KCNC2: variants seen among roughly 807,000 people sequenced by gnomAD.
KCNC2 encodes the protein voltage-gated potassium channel KCNC2.
KCNC2 carries 21 observed loss-of-function variants against 44.5 expected under a neutral mutation model. That is an observed-to-expected ratio of 0.47 (90% CI 0.33 to 0.68). KCNC2 has a LOEUF of 0.68. Among genes scored for constraint, KCNC2 ranks in the 30% least tolerant of loss-of-function variants. The pLI, the probability that KCNC2 is intolerant of heterozygous loss-of-function variation, is 0.01. For missense variants in KCNC2, 589 were observed against 826.2 expected, an observed-to-expected ratio of 0.71 and a Z score of 3.52; for synonymous variants, 391 against 339.1, an observed-to-expected ratio of 1.15 and a Z score of -1.68.
intron 2 of KCNC2, among the ~76,000 whole-genome samples, chr12:75,134,139 C>T (rs949468931): frequency 6.6e-6 from 1 of 151,764 alleles, no homozygotes; most frequent in African/African-American, 2.4e-5. Context: ...TACACCTGGG[C>T]AAATGTCAGA....
chr12:75,076,696 C>A (rs1005484235), intron 2 of KCNC2, among the ~76,000 whole-genome samples: 1 of 152,122 alleles, frequency 6.6e-6, no homozygotes. Context: ...ATATTAGATT[C>A]TTGATACGTA....
intron 2 of KCNC2, among the ~76,000 whole-genome samples, chr12:75,113,593 A>G (rs1887419164): frequency 6.6e-6 from 1 of 152,302 alleles, no homozygotes. Context: ...TCCAGCCTCC[A>G]TACCAACACC....
intron 2 of KCNC2, among the ~76,000 whole-genome samples, chr12:75,199,563 G>T (rs1165579238): frequency 1.3e-5 from 2 of 151,712 alleles, no homozygotes; most frequent in African/African-American, 2.4e-5. Flanking sequence ...CATCATCTTT[G>T]GCTTACTGTT....
intron 2 of KCNC2, among the ~76,000 whole-genome samples, chr12:75,120,783 G>A (rs1887994336): frequency 6.6e-6 from 1 of 152,154 alleles, no homozygotes; most frequent in African/African-American, 2.4e-5. Flanking sequence ...TCCATAGTAT[G>A]TTTTGCAGAG....
intron 2 of KCNC2, among the ~76,000 whole-genome samples, chr12:75,111,313 T>C (rs1033053688): frequency 3.3e-5 from 5 of 152,100 alleles, no homozygotes; most frequent in Non-Finnish European, 7.4e-5. Context: ...CATTAAGTTT[T>C]CTGTTTTTCT....
At chr12:75,112,594 A>G (rs1341551105) in intron 2 of KCNC2, among the ~76,000 whole-genome samples, 1 of 151,914 alleles carries the variant, frequency 6.6e-6, no homozygotes, top group Non-Finnish European at 1.5e-5. Context: ...TAAGCTGCAC[A>G]TTTCTACTTG....
At chr12:75,055,300 C>G (rs1476270349) in intron 2 of KCNC2, among the ~76,000 whole-genome samples, 1 of 146,530 alleles carries the variant, frequency 6.8e-6, no homozygotes, top group Non-Finnish European at 1.5e-5. Context: ...TAATATAAAT[C>G]AAACAATGAA....
intron 2 of KCNC2, among the ~76,000 whole-genome samples, chr12:75,172,804 A>G (rs1891924729): frequency 1.3e-5 from 2 of 151,892 alleles, no homozygotes; most frequent in African/African-American, 4.8e-5. Flanking sequence ...ACTATTCTAT[A>G]AGATCACAAC....
At position 75,152,401 on chromosome 12, in the gene KCNC2, C is replaced by T. The variant is rs145439490; in HGVS notation, c.687+54896G>A. Among the ~76,000 whole-genome samples, 1,264 of 151,856 alleles carry T rather than the reference C, an allele frequency of 8.3e-3. 15 individuals carry two copies. Among genetic ancestry groups the T allele is most frequent in the African/African-American group, 0.029 (1,196 of 41,488 alleles). On this transcript the variant is annotated intron_variant, in intron 2 of 4. Transcript: ENST00000549446. Reference sequence around the variant, plus strand: ...TAATAGAAACCAAAAAAGAATGGTTCCCTTGGTTTACTGAGAGAAAATAAT... The same window carrying T: ...TAATAGAAACCAAAAAAGAATGGTTTCCTTGGTTTACTGAGAGAAAATAAT...
At chr12:75,107,105 C>A (rs958461788) in intron 2 of KCNC2, among the ~76,000 whole-genome samples, 3 of 152,082 alleles carry the variant, frequency 2.0e-5, no homozygotes, top group Admixed American at 6.5e-5. Flanking sequence ...GAGATCGAGA[C>A]CATCCTAGCT....
chr12:75,075,458 C>CATATATAT lies in KCNC2; in HGVS notation c.688-24149_688-24142dup, dbSNP rs5799200. The stretch of plus-strand genomic sequence containing the variant: ...TTCTCAGGAGAGAAATATATATATA[C>CATATATAT]ATATATATATATATATATATATATA... On this transcript the variant is annotated intron_variant, in intron 2 of 4. Coordinates refer to ENST00000549446, the MANE Select transcript of KCNC2 (RefSeq NM_139137.4). Among the ~76,000 whole-genome samples, 481 of 145,544 alleles carry CATATATAT rather than the reference C, an allele frequency of 3.3e-3. 6 individuals carry two copies. The highest frequency in any genetic ancestry group is 0.01 in the African/African-American group (405 of 40,028).
chr12:75,113,941 G>A (rs1251637558), intron 2 of KCNC2, among the ~76,000 whole-genome samples: 1 of 151,972 alleles, frequency 6.6e-6, no homozygotes, highest in Admixed American at 6.6e-5. Flanking sequence ...GCTTAATTAC[G>A]GCTTATTTAT....
In KCNC2 at chr12:75,208,142, G is replaced by T. The variant is rs972809303; in HGVS notation, c.-19-140C>A. ...GGGGCAAAGACCCTCCCCGGGAGGG[G>T]ATCAGCGTCCAGCGCTGTCCCCGCC... is the stretch of plus-strand genomic sequence containing the variant. On this transcript the variant is annotated intron_variant, in intron 1 of 4. Coordinates refer to ENST00000549446, the MANE Select transcript of KCNC2 (RefSeq NM_139137.4). The T allele has an allele frequency of 8.6e-6, 8 of 924,904 alleles. No homozygotes were observed. The African/African-American group carries it at 1.2e-4, about 14-fold the overall frequency. The allele number at this position is 924,904 out of a possible 1,614,324, so 57.3% of individuals were successfully genotyped here. A position where few individuals can be genotyped will look rare whatever the true frequency, so the allele number is the denominator to read the frequency against.
chr12:75,071,285 A>G (rs185023439), intron 2 of KCNC2, among the ~76,000 whole-genome samples: 126 of 152,260 alleles, frequency 8.3e-4, no homozygotes, highest in Middle Eastern at 3.4e-3. Context: ...ACCCTACATG[A>G]CAGCCTTACT....
chr12:75,113,017 T>C (rs1345908574), intron 2 of KCNC2, among the ~76,000 whole-genome samples: 1 of 152,180 alleles, frequency 6.6e-6, no homozygotes, highest in Non-Finnish European at 1.5e-5. Context: ...AAAATAAATG[T>C]AGTTTAACCA....
intron 2 of KCNC2, among the ~76,000 whole-genome samples, chr12:75,066,746 A>C (rs1882868693): frequency 6.6e-6 from 1 of 152,230 alleles, no homozygotes. Flanking sequence ...GAATTTCAAC[A>C]TTTAACAAGA....
intron 2 of KCNC2, among the ~76,000 whole-genome samples, chr12:75,052,792 A>G (rs1881321581): frequency 6.6e-6 from 1 of 152,138 alleles, no homozygotes; most frequent in Non-Finnish European, 1.5e-5. Flanking sequence ...AAAATATCTT[A>G]GGACTGTGGC....
chr12:75,055,464 C>T (rs1244135950), intron 2 of KCNC2, among the ~76,000 whole-genome samples: 1 of 152,046 alleles, frequency 6.6e-6, no homozygotes, highest in Non-Finnish European at 1.5e-5. Flanking sequence ...ACTGCCATCT[C>T]TCTCTGTCTT....
intron 2 of KCNC2, among the ~76,000 whole-genome samples, chr12:75,059,133 G>A (rs575536786): frequency 8.5e-5 from 13 of 152,110 alleles, no homozygotes; most frequent in African/African-American, 3.1e-4. Flanking sequence ...TGTGTAAATT[G>A]CAATTTGGTT....
Sources: gnomAD v4.1 joint callset for allele counts (sites outside exome capture counted in the v4.1 genomes callset) on GRCh38, gnomAD v4.1.1 for gene constraint, MANE v1.5 for transcripts, NCBI Gene and HGNC (gene_info 2026-07-23, HGNC 2026-07-21) for gene names.